The following ERBB4 variants were observed in gnomAD, a reference collection of about 807,000 sequenced individuals.
The protein encoded by ERBB4 is receptor tyrosine-protein kinase erbB-4.
ERBB4 carries 42 observed loss-of-function variants against 158.0 expected under a neutral mutation model. The observed-to-expected ratio is 0.27, with a 90% confidence interval of 0.21 to 0.34. The LOEUF (loss-of-function observed/expected upper bound fraction) is 0.34, where lower values mean the gene tolerates loss of function less well. ERBB4 is among the 10% of genes least tolerant of loss of function. The probability of loss-of-function intolerance (pLI) is 1.00; values close to 1 mark genes in which losing one functional copy is unlikely to be tolerated. For synonymous variants in ERBB4, 583 were observed against 558.7 expected (o/e 1.04, Z -0.61); for missense variants, 1,333 against 1,624.1 (o/e 0.82, Z 3.08).
At chr2:211,975,002 G>C (rs1307951121) in intron 2 of ERBB4, among the ~76,000 whole-genome samples, 1 of 144,748 alleles carries the variant, frequency 6.9e-6, no homozygotes, top group Non-Finnish European at 1.5e-5. Context: ...TTTTTTTTTT[G>C]AGACAGAGCC....
At position 212,326,748 on chromosome 2, in the gene ERBB4, T is replaced by C. The variant is rs192315944; in HGVS notation, c.83-201845A>G. ...CAGCTGCGTTTGTTCCTTCATCTTGTTCAGCAACCTTTGGTAAGAAACTAC... is the reference window on the plus strand; with the variant it reads ...CAGCTGCGTTTGTTCCTTCATCTTGCTCAGCAACCTTTGGTAAGAAACTAC... On this transcript the variant is annotated intron_variant, in intron 1 of 27. Coordinates refer to ENST00000342788, the MANE Select transcript of ERBB4 (RefSeq NM_005235.3). 1.7e-3 allele frequency among the ~76,000 whole-genome samples: 264 copies of C among 151,002 alleles called. 3 individuals are homozygous for C. Among genetic ancestry groups the C allele is most frequent in the African/African-American group, 6.1e-3 (254 of 41,464 alleles).
intron 23 of ERBB4, among the ~76,000 whole-genome samples, chr2:211,422,664 T>G (rs2063539130): frequency 6.6e-6 from 1 of 151,922 alleles, no homozygotes; most frequent in South Asian, 2.1e-4. Flanking sequence ...CTACAGGCTC[T>G]GTTTAGCTAA....
At chr2:211,584,338 A>G (rs1269327884) in intron 19 of ERBB4, among the ~76,000 whole-genome samples, 1 of 151,950 alleles carries the variant, frequency 6.6e-6, no homozygotes, top group Non-Finnish European at 1.5e-5. Context: ...TGGATAGGTA[A>G]TTCATTTGTA....
chr2:211,548,528 C>A (rs1356022805), intron 20 of ERBB4, among the ~76,000 whole-genome samples: 2 of 152,038 alleles, frequency 1.3e-5, no homozygotes, highest in African/African-American at 2.4e-5. Flanking sequence ...AGTTATAGAA[C>A]CTAAATTACA....
rs112123330 is a variant in ERBB4 at position 212,389,818 on chromosome 2, T to C, written c.82+148631A>G. ...CAGAGCTTCATGTGATTGCTAACTT[T>C]CAAAAACATACAACAAATAATTTTA... On this transcript the variant is annotated intron_variant, in intron 1 of 27. Coordinates refer to ENST00000342788, the MANE Select transcript of ERBB4 (RefSeq NM_005235.3). 5.3e-3 allele frequency among the ~76,000 whole-genome samples: 804 copies of C among 152,014 alleles called. 6 individuals are homozygous for C. The highest frequency in any genetic ancestry group is 0.024 in the Middle Eastern group (7 of 294).
chr2:212,490,198 G>A (rs1018511081), intron 1 of ERBB4, among the ~76,000 whole-genome samples: 4 of 151,686 alleles, frequency 2.6e-5, no homozygotes, highest in Non-Finnish European at 5.9e-5. Flanking sequence ...TATTTCACAC[G>A]CATATTTCTA....
chr2:211,390,873 T>C, intron 25 of ERBB4, among the ~76,000 whole-genome samples: 1 of 152,332 alleles, frequency 6.6e-6, no homozygotes, highest in East Asian at 1.9e-4. Context: ...TTAGCATTCA[T>C]TGTTTTTAGG....
At chr2:211,467,465 G>A (rs987111361) in intron 20 of ERBB4, among the ~76,000 whole-genome samples, 3 of 152,112 alleles carry the variant, frequency 2.0e-5, no homozygotes, top group Non-Finnish European at 2.9e-5. Flanking sequence ...ATGTATTTTT[G>A]TTTTGTACTG....
At chr2:211,963,569 GGATA>G (rs1218394112) in intron 2 of ERBB4, among the ~76,000 whole-genome samples, 7 of 151,986 alleles carry the variant, frequency 4.6e-5, no homozygotes, top group African/African-American at 7.2e-5. Flanking sequence ...GACAGTGGAT[GGATA>G]GATAAATAAA....
rs116959197 is a variant in ERBB4 at position 212,533,605 on chromosome 2, G to T, written c.82+4844C>A. On this transcript the variant is annotated intron_variant, in intron 1 of 27. Coordinates refer to ENST00000342788, the MANE Select transcript of ERBB4 (RefSeq NM_005235.3). ...ACCTACAATTTTTTCATAAAAAGGG[G>T]TTATTTTTCATTATAAACTGAAAAC... is the stretch of plus-strand genomic sequence containing the variant. Among the ~76,000 whole-genome samples, 66 of 152,214 alleles carry T rather than the reference G, an allele frequency of 4.3e-4. No individual in the cohort carries two copies. The East Asian group carries it at 0.01, about 23-fold the overall frequency.
intron 3 of ERBB4, among the ~76,000 whole-genome samples, chr2:211,884,197 T>C (rs2078735972): frequency 6.6e-6 from 1 of 152,146 alleles, no homozygotes; most frequent in Non-Finnish European, 1.5e-5. Context: ...TACCTTCCTG[T>C]TTATCTCTTC....
At chr2:211,422,634 A>C (rs2063538390) in intron 23 of ERBB4, among the ~76,000 whole-genome samples, 1 of 151,936 alleles carries the variant, frequency 6.6e-6, no homozygotes, top group Non-Finnish European at 1.5e-5. Flanking sequence ...CTGGGAGTCT[A>C]GATAAAGCAG....
intron 20 of ERBB4, among the ~76,000 whole-genome samples, chr2:211,453,309 A>C (rs2064297066): frequency 6.6e-6 from 1 of 152,194 alleles, no homozygotes; most frequent in South Asian, 2.1e-4. Context: ...AAGTATAATA[A>C]AAATACTAAA....
chr2:212,053,064 G>C (rs2077446896), intron 2 of ERBB4, among the ~76,000 whole-genome samples: 1 of 152,060 alleles, frequency 6.6e-6, no homozygotes, highest in Non-Finnish European at 1.5e-5. Context: ...CATGCCTAAA[G>C]CCCAGCACAT....
intron 2 of ERBB4, among the ~76,000 whole-genome samples, chr2:212,080,334 A>T (rs567443496): frequency 2.4e-4 from 37 of 151,544 alleles, no homozygotes; most frequent in Admixed American, 4.6e-4. Context: ...GAATAAAAAT[A>T]AAAATTAAAA....
chr2:212,087,174 C>G (rs1026507246), intron 2 of ERBB4, among the ~76,000 whole-genome samples: 5 of 149,608 alleles, frequency 3.3e-5, no homozygotes, highest in Non-Finnish European at 7.5e-5. Flanking sequence ...CACACACATA[C>G]ACACACACAC....
chr2:212,506,277 T>C lies in ERBB4; in HGVS notation c.82+32172A>G, dbSNP rs1691191267. 1.3e-5 allele frequency among the ~76,000 whole-genome samples: 2 copies of C among 148,770 alleles called. 1 individual carries two copies. The highest frequency in any genetic ancestry group is 3.0e-5 in the Non-Finnish European group (2 of 66,070). Reference sequence around the variant, plus strand: ...CCTCTCCTTGGGTTTCCCAATTCCCTGAGATGAAATAATTATAAATTAGGC... The same window carrying C: ...CCTCTCCTTGGGTTTCCCAATTCCCCGAGATGAAATAATTATAAATTAGGC... On this transcript the variant is annotated intron_variant, in intron 1 of 27. Coordinates refer to ENST00000342788, the MANE Select transcript of ERBB4 (RefSeq NM_005235.3).
intron 19 of ERBB4, among the ~76,000 whole-genome samples, chr2:211,586,149 T>G (rs535066890): frequency 6.6e-6 from 1 of 151,990 alleles, no homozygotes; most frequent in Non-Finnish European, 1.5e-5. Context: ...TTCCACCCAA[T>G]TAAGAAAAAG....
At chr2:211,804,552 T>C (rs1275668872) in intron 3 of ERBB4, among the ~76,000 whole-genome samples, 1 of 152,170 alleles carries the variant, frequency 6.6e-6, no homozygotes, top group Non-Finnish European at 1.5e-5. Flanking sequence ...AGACAAATTA[T>C]CTCAGGAATT....
Sources: allele counts gnomAD v4.1 joint callset (sites outside exome capture counted in the v4.1 genomes callset), GRCh38; gene constraint gnomAD v4.1.1; transcripts MANE v1.5; gene names NCBI Gene and HGNC (gene_info 2026-07-23, HGNC 2026-07-21).